Variants in NLRP11 observed in about 807,000 individuals in gnomAD.
NLRP11 encodes the protein NLR family pyrin domain containing 11.
In NLRP11, 53 loss-of-function variants were observed where a neutral mutation model predicts 79.3. The ratio of observed to expected loss-of-function variants is 0.67; its 90% CI spans 0.54 to 0.84. The LOEUF (loss-of-function observed/expected upper bound fraction) is 0.84. NLRP11 is among the 40% of genes least tolerant of loss of function. The pLI is 0.00. For synonymous variants in NLRP11, 518 were observed against 462.6 expected (o/e 1.12, Z -1.54); for missense variants, 1,264 against 1,255.0 (o/e 1.01, Z -0.11).
intron 6 of NLRP11, among the ~76,000 whole-genome samples, chr19:55,792,732 G>A (rs957355855): frequency 1.3e-5 from 2 of 152,198 alleles, no homozygotes; most frequent in Non-Finnish European, 1.5e-5. Context: ...TCTTATAGAC[G>A]TTACTTCTGG....
intron 6 of NLRP11, among the ~76,000 whole-genome samples, chr19:55,793,786 G>A (rs191231587): frequency 3.3e-5 from 5 of 152,144 alleles, no homozygotes; most frequent in East Asian, 3.9e-4. Context: ...GGTTTGACAC[G>A]TGAAATGGGC....
intron 2 of NLRP11, among the ~76,000 whole-genome samples, chr19:55,813,994 G>A (rs1173682772): frequency 6.6e-6 from 1 of 152,182 alleles, no homozygotes; most frequent in Non-Finnish European, 1.5e-5. Flanking sequence ...ACGCCAGACT[G>A]ATATCAGTCT....
intron 5 of NLRP11, among the ~76,000 whole-genome samples, 200 bp downstream of exon 5, chr19:55,801,372 T>C (rs1488805625): frequency 6.6e-6 from 1 of 152,146 alleles, no homozygotes; most frequent in African/African-American, 2.4e-5. Context: ...AGCCATGTTA[T>C]ATGAAATATC....
intron 7 of NLRP11, 24 bp downstream of exon 7, chr19:55,792,277 C>T: frequency 6.2e-7 from 1 of 1,607,746 alleles, no homozygotes; most frequent in Non-Finnish European, 8.5e-7. Flanking sequence ...ACACAGTCAT[C>T]CAGGACAACT....
At chr19:55,807,756 G>A in intron 4 of NLRP11, 97 bp downstream of exon 4, 1 of 788,922 alleles carries the variant, frequency 1.3e-6, no homozygotes, top group South Asian at 2.2e-5. Flanking sequence ...AGCCTGACCT[G>A]AAAGTGTGTT....
upstream of NLRP11, among the ~76,000 whole-genome samples, chr19:55,835,467 G>A (rs1182509854): frequency 1.3e-5 from 2 of 152,308 alleles, no homozygotes; most frequent in African/African-American, 4.8e-5. Context: ...TTGGGAGGCC[G>A]AGGCGGGCAG....
intron 5 of NLRP11, among the ~76,000 whole-genome samples, chr19:55,800,386 C>T (rs1054966504): frequency 8.5e-5 from 13 of 152,190 alleles, no homozygotes; most frequent in African/African-American, 3.1e-4. Context: ...CAGCTCACTG[C>T]AACATCTGCC....
chr19:55,814,697 T>C (rs1287940297), intron 2 of NLRP11, among the ~76,000 whole-genome samples: 1 of 152,128 alleles, frequency 6.6e-6, no homozygotes, highest in Non-Finnish European at 1.5e-5. Context: ...AAGTGAGGCA[T>C]GGTTAGAGAA....
chr19:55,792,801 T>C (rs1425369791), intron 6 of NLRP11, among the ~76,000 whole-genome samples: 1 of 152,196 alleles, frequency 6.6e-6, no homozygotes, highest in Non-Finnish European at 1.5e-5. Flanking sequence ...TCCTAGGATT[T>C]TCAGTTTAAA....
intron 9 of NLRP11, among the ~76,000 whole-genome samples, chr19:55,788,344 A>T (rs1990008776): frequency 6.6e-6 from 1 of 151,482 alleles, no homozygotes; most frequent in Non-Finnish European, 1.5e-5. Flanking sequence ...ATACATTTTC[A>T]ATCTCCCAAG....
chr19:55,809,037 AG>A lies in NLRP11; in HGVS notation c.1572del (p.Ser525ArgfsTer5). On this transcript the variant is annotated frameshift_variant, in exon 3 of 10. Transcript: ENST00000589093. LOFTEE classifies it high-confidence loss of function. The surrounding 1 kb of genome is among the most constrained non-coding windows in gnomAD (Gnocchi z 4.5). Reference sequence around the variant, plus strand: ...TCCAAATGTTTCATGTATCCCACCGAGTACCACTTGAAGCTGTCTACCATCG... The same window carrying A: ...TCCAAATGTTTCATGTATCCCACCGATACCACTTGAAGCTGTCTACCATCG... 2.5e-6 allele frequency: 4 copies of A among 1,614,136 alleles called. No homozygotes were observed. Among genetic ancestry groups the A allele is most frequent in the Non-Finnish European group, 3.4e-6 (4 of 1,180,016 alleles).
chr19:55,828,685 C>T (rs16986667), intron 1 of NLRP11, among the ~76,000 whole-genome samples: 13,280 of 152,196 alleles, frequency 0.087, 856 homozygotes, highest in East Asian at 0.23. Context: ...CTTTCCATCA[C>T]TATACAAACA....
At chr19:55,820,756 T>A (rs1981613362) in intron 1 of NLRP11, among the ~76,000 whole-genome samples, 1 of 152,344 alleles carries the variant, frequency 6.6e-6, no homozygotes, top group East Asian at 1.9e-4. Flanking sequence ...TTTCTAGGTC[T>A]ATATTTGCTG....
intron 1 of NLRP11, among the ~76,000 whole-genome samples, chr19:55,822,774 T>C (rs1415203843): frequency 6.6e-6 from 1 of 151,442 alleles, no homozygotes; most frequent in Non-Finnish European, 1.5e-5. Context: ...GCCCACGGAG[T>C]CTCGCTGATT....
chr19:55,787,876 T>C (rs1989980851), intron 9 of NLRP11, among the ~76,000 whole-genome samples: 1 of 152,230 alleles, frequency 6.6e-6, no homozygotes, highest in Non-Finnish European at 1.5e-5. Flanking sequence ...CTACAGGAAC[T>C]GAATTCTGCC....
At chr19:55,832,471 G>T (rs1366853469), upstream of NLRP11, among the ~76,000 whole-genome samples, 1 of 152,206 alleles carries the variant, frequency 6.6e-6, no homozygotes, top group Non-Finnish European at 1.5e-5. Context: ...ATTTGCGGAG[G>T]CACGTCCTAG....
chr19:55,790,841 T>C (rs1402296391), intron 7 of NLRP11, among the ~76,000 whole-genome samples: 1 of 152,186 alleles, frequency 6.6e-6, no homozygotes, highest in Admixed American at 6.5e-5. Flanking sequence ...ATCCATGCTT[T>C]CAAACTTAGA....
At chr19:55,800,846 A>G (rs958791506) in intron 5 of NLRP11, among the ~76,000 whole-genome samples, 2 of 152,182 alleles carry the variant, frequency 1.3e-5, no homozygotes, top group Non-Finnish European at 2.9e-5. Context: ...CATTAATGAC[A>G]TATGGATATA....
upstream of NLRP11, among the ~76,000 whole-genome samples, chr19:55,833,704 C>T (rs1227260822): frequency 7.6e-6 from 1 of 132,438 alleles, no homozygotes; most frequent in Non-Finnish European, 1.5e-5. Flanking sequence ...GGAGGAGGAG[C>T]TTGCAGTGAG....
Sources: allele counts gnomAD v4.1 joint callset (sites outside exome capture counted in the v4.1 genomes callset), GRCh38; gene constraint gnomAD v4.1.1; non-coding constraint Gnocchi (gnomAD v3.1); transcripts MANE v1.5; gene names NCBI Gene and HGNC (gene_info 2026-07-23, HGNC 2026-07-21).